PAX5: variants seen among roughly 807,000 people sequenced by gnomAD.
PAX5 encodes paired box 5.
In PAX5, 9 loss-of-function variants were observed where a neutral mutation model predicts 43.7. The observed-to-expected ratio is 0.21, with a 90% CI of 0.12 to 0.36. The LOEUF (loss-of-function observed/expected upper bound fraction) is 0.36, where lower values mean the gene tolerates loss of function less well. Among genes scored for constraint, PAX5 ranks in the 10% least tolerant of loss-of-function variants. The pLI, the probability that PAX5 is intolerant of heterozygous loss-of-function variation, is 1.00. For missense variants in PAX5, 383 were observed against 532.7 expected (o/e 0.72, Z 2.77); for synonymous variants, 228 against 214.3 (o/e 1.06, Z -0.56).
chr9:36,882,577 A>G lies in PAX5; in HGVS notation c.911-472T>C, dbSNP rs1487966262. On this transcript the variant is annotated intron_variant, in intron 7 of 9. Transcript: ENST00000358127. This position sits in a 1 kb window ranked among gnomAD's most constrained non-coding sequence, Gnocchi z 4.4. ...CACCTGCCTTCAAAGACCAGCTCAA[A>G]TGCCTCCCTTCTCCTCTCCTCAACA... 3.9e-5 allele frequency among the ~76,000 whole-genome samples: 6 copies of G among 152,088 alleles called. No homozygotes were observed. The highest frequency in any genetic ancestry group is 8.8e-5 in the Non-Finnish European group (6 of 68,008).
intron 4 of PAX5, among the ~76,000 whole-genome samples, chr9:37,003,169 A>AAAAAAAAAAAC: frequency 1.3e-5 from 2 of 149,466 alleles, no homozygotes; most frequent in South Asian, 4.5e-4. Context: ...AAAAAAAAAA[A>AAAAAAAAAAAC]AAAAAAAAAA....
chr9:36,900,977 A>G (rs1457122239), intron 7 of PAX5, among the ~76,000 whole-genome samples: 1 of 152,118 alleles, frequency 6.6e-6, no homozygotes, highest in East Asian at 1.9e-4. Flanking sequence ...ACAAGTGACT[A>G]TTGCCAGTTC....
At chr9:36,910,421 G>T (rs906103032) in intron 7 of PAX5, among the ~76,000 whole-genome samples, 1 of 152,194 alleles carries the variant, frequency 6.6e-6, no homozygotes, top group Non-Finnish European at 1.5e-5. Context: ...CCATTGTGTG[G>T]ATGAGCTATT....
intron 5 of PAX5, among the ~76,000 whole-genome samples, chr9:36,985,155 T>TG (rs1002280992): frequency 6.6e-5 from 10 of 152,108 alleles, no homozygotes; most frequent in African/African-American, 2.2e-4. Flanking sequence ...CGTCTTCAAA[T>TG]GGGGGGTGGG....
chr9:37,019,802 C>T (rs1839704646), intron 2 of PAX5, among the ~76,000 whole-genome samples: 1 of 152,182 alleles, frequency 6.6e-6, no homozygotes, highest in Admixed American at 6.5e-5. Flanking sequence ...AAACCTGTGG[C>T]TTTGTTTTGG....
chr9:36,853,274 T>A (rs1331088774), intron 8 of PAX5, among the ~76,000 whole-genome samples: 1 of 152,236 alleles, frequency 6.6e-6, no homozygotes, highest in Non-Finnish European at 1.5e-5. Flanking sequence ...CACACAAATC[T>A]TAAATGTGCT....
intron 2 of PAX5, among the ~76,000 whole-genome samples, chr9:37,017,290 A>C (rs1839463670): frequency 6.6e-6 from 1 of 152,230 alleles, no homozygotes; most frequent in African/African-American, 2.4e-5. Flanking sequence ...TATAGAAGGA[A>C]AAATAAATGA....
rs146026095 is a variant in PAX5 at position 36,837,204 on chromosome 9, G to A, written c.*3356C>T. On this transcript the variant is annotated 3_prime_UTR_variant, in exon 10 of 10. Coordinates refer to ENST00000358127, the MANE Select transcript of PAX5 (RefSeq NM_016734.3). ...GAATTCACTTCGCCTCTATGTTGCC[G>A]TGAGAGCCCCAAATGTCAATTTCCC... 7.1e-4 allele frequency: 165 copies of A among 233,122 alleles called. 3 individuals are homozygous for A. The highest frequency in any genetic ancestry group is 1.7e-4 in the Non-Finnish European group (20 of 117,970). 14.4% of individuals were successfully genotyped at this position (233,122 alleles called of 1,614,324 possible). A position where few individuals can be genotyped will look rare whatever the true frequency, so the allele number is the denominator to read the frequency against.
chr9:37,001,419 A>G (rs886121730), intron 5 of PAX5, among the ~76,000 whole-genome samples: 1 of 152,148 alleles, frequency 6.6e-6, no homozygotes, highest in Non-Finnish European at 1.5e-5. Context: ...ACCTCATAAA[A>G]CAACAGAGAT....
chr9:36,859,940 CA>C (rs1824037692), intron 8 of PAX5, among the ~76,000 whole-genome samples: 1 of 149,922 alleles, frequency 6.7e-6, no homozygotes, highest in African/African-American at 2.5e-5. Context: ...GAGGCTGAGG[CA>C]GGAGAATGGT....
chr9:36,861,313 G>A (rs1220002203), intron 8 of PAX5: 1 of 151,468 alleles, frequency 6.6e-6, no homozygotes, highest in Non-Finnish European at 1.5e-5. Flanking sequence ...GATACTGATT[G>A]AGGGCCTACT....
intron 3 of PAX5, among the ~76,000 whole-genome samples, chr9:37,011,902 A>C (rs1053482729): frequency 2.0e-5 from 3 of 152,196 alleles, no homozygotes; most frequent in African/African-American, 7.2e-5. Flanking sequence ...CCTCTTACAC[A>C]GTGTCATTTG....
chr9:36,934,810 T>G (rs564021138), intron 6 of PAX5, among the ~76,000 whole-genome samples: 1 of 152,324 alleles, frequency 6.6e-6, no homozygotes, highest in East Asian at 1.9e-4. Flanking sequence ...GTGAGCTTCA[T>G]AAGGATGAGA....
rs1362059518 is a variant in PAX5 at position 36,881,303 on chromosome 9, G to A, written c.1012+701C>T. Among the ~76,000 whole-genome samples, 4 of 152,158 alleles carry A rather than the reference G, an allele frequency of 2.6e-5. No homozygotes were observed. The East Asian group carries it at 5.8e-4, about 22-fold the overall frequency. ...GTGTAACAACATCCAGTGGAGGCCC[G>A]ATTTTCCTCCTGATTTTTAAAAACA... On this transcript the variant is annotated intron_variant, in intron 8 of 9. Coordinates refer to ENST00000358127, the MANE Select transcript of PAX5 (RefSeq NM_016734.3).
chr9:37,029,674 G>A (rs1047659112), intron 1 of PAX5, among the ~76,000 whole-genome samples: 2 of 152,166 alleles, frequency 1.3e-5, no homozygotes, highest in African/African-American at 4.8e-5. Context: ...ATGGCGGCTT[G>A]CACACCTACT....
rs542150777 is a variant in PAX5 at position 37,027,498 on chromosome 9, C to A, written c.46+6488G>T. On this transcript the variant is annotated intron_variant, in intron 1 of 9. Transcript: ENST00000358127. ...TCCGGGACGGCCGCCGTGCCTGCCC[C>A]AGGCGTGGAGTGAGGAACAGAGGAG... is the stretch of plus-strand genomic sequence containing the variant. Among the ~76,000 whole-genome samples the A allele has an allele frequency of 3.7e-3, 557 of 152,360 alleles. 4 individuals carry two copies. Among genetic ancestry groups the A allele is most frequent in the African/African-American group, 0.013 (542 of 41,586 alleles).
chr9:36,840,168 T>C lies in PAX5; in HGVS notation c.*392A>G, dbSNP rs894338647. ...TCAGGCCCACAGAAAAGCAAGAAGGTATTTACATGGGTGCTGCTGAAGCAA... is the reference window on the plus strand; with the variant it reads ...TCAGGCCCACAGAAAAGCAAGAAGGCATTTACATGGGTGCTGCTGAAGCAA... On this transcript the variant is annotated 3_prime_UTR_variant, in exon 10 of 10. Transcript: ENST00000358127. 1 of 406,926 alleles carries C rather than the reference T, an allele frequency of 2.5e-6. No homozygotes were observed. The highest frequency in any genetic ancestry group is 2.0e-5 in the African/African-American group (1 of 49,802). 25.2% of individuals were successfully genotyped at this position (406,926 alleles called of 1,614,324 possible).
chr9:36,911,137 T>C (rs1304906123), intron 7 of PAX5, among the ~76,000 whole-genome samples: 2 of 152,314 alleles, frequency 1.3e-5, no homozygotes, highest in South Asian at 2.1e-4. Flanking sequence ...TCAGAGCACA[T>C]GCCCTGGTAA....
chr9:36,944,043 G>T (rs957925284), intron 6 of PAX5, among the ~76,000 whole-genome samples: 1 of 152,066 alleles, frequency 6.6e-6, no homozygotes, highest in Non-Finnish European at 1.5e-5. Context: ...AATCAGCCAG[G>T]TACTTTGGTG....
Sources: allele counts gnomAD v4.1 joint callset (sites outside exome capture counted in the v4.1 genomes callset), GRCh38; gene constraint gnomAD v4.1.1; non-coding constraint Gnocchi (gnomAD v3.1); transcripts MANE v1.5; gene names NCBI Gene and HGNC (gene_info 2026-07-23, HGNC 2026-07-21).